Variants in DIAPH3 observed in about 807,000 individuals in gnomAD.
DIAPH3 encodes the protein diaphanous related formin 3.
A neutral mutation model predicts 144.3 loss-of-function variants in DIAPH3; 117 were observed. The ratio of observed to expected loss-of-function variants is 0.81; its 90% CI spans 0.70 to 0.95. DIAPH3 has a LOEUF of 0.95. DIAPH3 is among the 40% of genes least tolerant of loss of function. DIAPH3 has a pLI of 0.00. For missense variants in DIAPH3, 1,421 were observed against 1,412.7 expected (o/e 1.01, Z -0.09); for synonymous variants, 519 against 488.9 (o/e 1.06, Z -0.81).
chr13:59,910,041 G>A (rs2151502), intron 20 of DIAPH3, among the ~76,000 whole-genome samples: 116,052 of 152,076 alleles, frequency 0.76, 44,439 homozygotes, highest in East Asian at 0.89. Flanking sequence ...TACTATAATG[G>A]TAGGCAACAT....
chr13:60,140,750 G>A (rs1200428788), intron 1 of DIAPH3, among the ~76,000 whole-genome samples: 1 of 151,954 alleles, frequency 6.6e-6, no homozygotes, highest in African/African-American at 2.4e-5. Context: ...TTTTCAGATT[G>A]AGCAGAAAAT....
At chr13:60,144,037 T>G (rs2138335139) in intron 1 of DIAPH3, among the ~76,000 whole-genome samples, 1 of 152,316 alleles carries the variant, frequency 6.6e-6, no homozygotes, top group South Asian at 2.1e-4. Flanking sequence ...GGGTCACCGA[T>G]AATGGTTTGT....
chr13:59,983,763 A>G lies in DIAPH3; in HGVS notation c.1480+6T>C. 6.6e-7 allele frequency: 1 copy of G among 1,519,242 alleles called. No homozygotes were observed. The highest frequency in any genetic ancestry group is 9.1e-7 in the Non-Finnish European group (1 of 1,095,808). The allele number at this position is 1,519,242 out of a possible 1,614,324, so 94.1% of individuals were successfully genotyped here. A position where few individuals can be genotyped will look rare whatever the true frequency, so the allele number is the denominator to read the frequency against. Reference sequence around the variant, plus strand: ...AGATATTTCTATTTAAATAATAAATACTCACCTACAAACTGGGTTAAATCT... The same window carrying G: ...AGATATTTCTATTTAAATAATAAATGCTCACCTACAAACTGGGTTAAATCT... On this transcript the variant is annotated splice_donor_region_variant and intron_variant, in intron 13 of 27. Coordinates refer to ENST00000400324, the MANE Select transcript of DIAPH3 (RefSeq NM_001042517.2).
chr13:60,119,762 A>G (rs1215943372), intron 2 of DIAPH3, among the ~76,000 whole-genome samples: 1 of 151,104 alleles, frequency 6.6e-6, no homozygotes, highest in African/African-American at 2.4e-5. Flanking sequence ...AAAAAAAAAA[A>G]AAAAAAAAAG....
Position 60,081,758 on chromosome 13 carries a change from A to G in DIAPH3, c.495+11870T>C, listed in dbSNP as rs553436633. Among the ~76,000 whole-genome samples the G allele has an allele frequency of 4.6e-5, 7 of 152,144 alleles. No homozygotes were observed. The South Asian group carries it at 1.2e-3, about 27-fold the overall frequency. On this transcript the variant is annotated intron_variant, in intron 4 of 27. Transcript: ENST00000400324. ...CAACAGAGTAGCTAATGAACATGAAAACAAGATAACTCCAAAATGGCCCAG... is the reference window on the plus strand; with the variant it reads ...CAACAGAGTAGCTAATGAACATGAAGACAAGATAACTCCAAAATGGCCCAG...
chr13:60,100,409 C>T (rs1308868402), intron 3 of DIAPH3, among the ~76,000 whole-genome samples: 1 of 152,096 alleles, frequency 6.6e-6, no homozygotes, highest in African/African-American at 2.4e-5. Context: ...AGATAAGGAA[C>T]TGTCATTGAC....
rs1002457360 is a variant in DIAPH3, at chr13:59,861,208, A to G, written c.2737+199T>C. 41 of 1,473,226 alleles carry G rather than the reference A, an allele frequency of 2.8e-5. No individual in the cohort carries two copies. In the Admixed American group the frequency reaches 1.0e-3, roughly 36 times the overall value. The allele number at this position is 1,473,226 out of a possible 1,614,324, so 91.3% of individuals were successfully genotyped here. A position where few individuals can be genotyped will look rare whatever the true frequency, so the allele number is the denominator to read the frequency against. On this transcript the variant is annotated intron_variant, in intron 22 of 27. Transcript: ENST00000400324. The stretch of plus-strand genomic sequence containing the variant: ...GTATTTTATAATATAAGGCCTCATC[A>G]TCTAACTAAACAAATTAAACTCATA...
intron 3 of DIAPH3, 23 bp from the exon 4 acceptor site, chr13:60,093,755 C>T: frequency 6.7e-7 from 1 of 1,487,364 alleles, no homozygotes; most frequent in Middle Eastern, 1.9e-4. Flanking sequence ...ATTAAAATGC[C>T]TCATTTTAGA....
rs779762865 is a variant in DIAPH3, at chr13:59,810,769, C to T, written c.3163+19G>A. 2 of 1,611,026 alleles carry T rather than the reference C, an allele frequency of 1.2e-6. No homozygotes were observed. The highest frequency in any genetic ancestry group is 8.5e-7 in the Non-Finnish European group (1 of 1,179,102). Reference sequence around the variant, plus strand: ...TCTTAAGTATACATAGAATAAATAACAAATTTGATAGTACTCACCAGTCTT... The same window carrying T: ...TCTTAAGTATACATAGAATAAATAATAAATTTGATAGTACTCACCAGTCTT... On this transcript the variant is annotated intron_variant, in intron 25 of 27. Coordinates refer to ENST00000400324, the MANE Select transcript of DIAPH3 (RefSeq NM_001042517.2).
intron 5 of DIAPH3, among the ~76,000 whole-genome samples, chr13:60,023,059 TA>T (rs1028597557): frequency 4.6e-5 from 7 of 151,918 alleles, no homozygotes; most frequent in Middle Eastern, 3.4e-3. Flanking sequence ...AGCCTCATTT[TA>T]AAAAAAAATT....
intron 20 of DIAPH3, among the ~76,000 whole-genome samples, chr13:59,882,304 G>A (rs2045112670): frequency 6.6e-6 from 1 of 152,008 alleles, no homozygotes; most frequent in South Asian, 2.1e-4. Context: ...TGTTCAGGCT[G>A]GTCTCTAACT....
intron 24 of DIAPH3, among the ~76,000 whole-genome samples, chr13:59,823,494 A>G (rs2041191725): frequency 6.6e-6 from 1 of 152,178 alleles, no homozygotes; most frequent in Non-Finnish European, 1.5e-5. Flanking sequence ...GTCTTATGTG[A>G]AAAGACTCCA....
chr13:59,803,347 C>T (rs1203986671), intron 25 of DIAPH3, among the ~76,000 whole-genome samples: 1 of 151,958 alleles, frequency 6.6e-6, no homozygotes, highest in Non-Finnish European at 1.5e-5. Context: ...AATTATTTTG[C>T]CTCAAATAAA....
At chr13:59,944,403 C>T (rs1397819845) in intron 17 of DIAPH3, among the ~76,000 whole-genome samples, 1 of 152,126 alleles carries the variant, frequency 6.6e-6, no homozygotes, top group African/African-American at 2.4e-5. Context: ...TAAATATATG[C>T]ATTTGTATAC....
At chr13:60,132,015 T>A (rs2059154487) in intron 2 of DIAPH3, among the ~76,000 whole-genome samples, 1 of 152,354 alleles carries the variant, frequency 6.6e-6, no homozygotes, top group African/African-American at 2.4e-5. Flanking sequence ...GAAATCTGTA[T>A]TGTTACCAAT....
At chr13:60,043,410 A>G (rs2055834948) in intron 4 of DIAPH3, among the ~76,000 whole-genome samples, 1 of 152,212 alleles carries the variant, frequency 6.6e-6, no homozygotes, top group Non-Finnish European at 1.5e-5. Flanking sequence ...AGCTTGCAAA[A>G]CAGGGCTACA....
intron 20 of DIAPH3, among the ~76,000 whole-genome samples, chr13:59,908,393 A>AAAAAAG (rs1555331342): frequency 6.3e-5 from 7 of 111,230 alleles, no homozygotes; most frequent in East Asian, 3.6e-4. Flanking sequence ...AAAAAAAAAA[A>AAAAAAG]AGTAAGACAT....
chr13:59,832,971 A>T, intron 24 of DIAPH3, 136 bp downstream of exon 24: 2 of 755,598 alleles, frequency 2.6e-6, no homozygotes, highest in Non-Finnish European at 4.4e-6. Context: ...TAGATTTTTA[A>T]ATCTGAAATT....
intron 25 of DIAPH3, among the ~76,000 whole-genome samples, chr13:59,800,163 C>T (rs530249712): frequency 1.3e-5 from 2 of 152,250 alleles, no homozygotes; most frequent in South Asian, 4.2e-4. Context: ...TATAGAAACC[C>T]TCATTACTCA....
Sources: gnomAD v4.1 joint callset for allele counts (sites outside exome capture counted in the v4.1 genomes callset) on GRCh38, gnomAD v4.1.1 for gene constraint, MANE v1.5 for transcripts, NCBI Gene and HGNC (gene_info 2026-07-23, HGNC 2026-07-21) for gene names.